The following ATP9A variants were observed in gnomAD, a reference collection of about 807,000 sequenced individuals.
ATP9A encodes ATPase phospholipid transporting 9A.
Under a neutral mutation model 144.1 loss-of-function variants are expected in ATP9A, and 52 were observed. The ratio of observed to expected loss-of-function variants is 0.36; its 90% confidence interval spans 0.29 to 0.45. The LOEUF is 0.45. Ranked by LOEUF, ATP9A falls within the 20% of genes least tolerant of loss-of-function variation. ATP9A has a pLI of 1.00. For synonymous variants in ATP9A, 582 were observed against 557.4 expected, an observed-to-expected ratio of 1.04 and a Z score of -0.62; for missense variants, 947 against 1,392.7, an observed-to-expected ratio of 0.68 and a Z score of 5.09.
chr20:51,714,297 C>T (rs1412989539), intron 3 of ATP9A, among the ~76,000 whole-genome samples: 2 of 152,174 alleles, frequency 1.3e-5, no homozygotes, highest in African/African-American at 4.8e-5. Flanking sequence ...ATCCTCCTGC[C>T]TCAGCCTCCG....
At chr20:51,629,098 A>G in intron 15 of ATP9A, 26 bp from the exon 16 acceptor site, 1 of 1,574,428 alleles carries the variant, frequency 6.4e-7, no homozygotes, top group Non-Finnish European at 8.7e-7. Context: ...GGAAGGAATG[A>G]GAAACTGAAA....
intron 1 of ATP9A, among the ~76,000 whole-genome samples, chr20:51,767,843 G>A (rs896370453): frequency 1.1e-4 from 16 of 152,374 alleles, no homozygotes; most frequent in African/African-American, 3.6e-4. Context: ...CGAGGCGTAG[G>A]CCGCGCCCCC....
intron 5 of ATP9A, among the ~76,000 whole-genome samples, chr20:51,696,767 A>G: frequency 6.6e-6 from 1 of 152,194 alleles, no homozygotes; most frequent in East Asian, 1.9e-4. Context: ...TAATCCCTTT[A>G]AAAGAGCATA....
rs6126270 is a variant in ATP9A at position 51,623,965 on chromosome 20, C to T, written c.2016+1227G>A. On this transcript the variant is annotated intron_variant, in intron 18 of 27. Transcript: ENST00000338821. ...TGCACACTCTGTGAATAAAATATCT[C>T]GTCTTGGGCTAACATAGTTTTGAGA... 3.3e-5 allele frequency among the ~76,000 whole-genome samples: 5 copies of T among 152,092 alleles called. No homozygotes were observed. In the East Asian group the frequency reaches 9.6e-4, roughly 29 times the overall value.
intron 1 of ATP9A, among the ~76,000 whole-genome samples, chr20:51,743,233 T>C (rs2077792489): frequency 6.6e-6 from 1 of 152,082 alleles, no homozygotes; most frequent in South Asian, 2.1e-4. Context: ...AGAGGAGCAG[T>C]GGCCCAAAGC....
chr20:51,632,506 T>C (rs1301246223), intron 15 of ATP9A, among the ~76,000 whole-genome samples: 2 of 152,168 alleles, frequency 1.3e-5, no homozygotes, highest in Non-Finnish European at 2.9e-5. Context: ...GTGGGGGCTG[T>C]CCTGTGCATT....
At chr20:51,714,148 G>A (rs575730680) in intron 3 of ATP9A, among the ~76,000 whole-genome samples, 3 of 151,824 alleles carry the variant, frequency 2.0e-5, no homozygotes, top group African/African-American at 4.8e-5. Context: ...CTCGTGATCC[G>A]CCCACCTCAG....
intron 27 of ATP9A, among the ~76,000 whole-genome samples, chr20:51,601,717 G>T (rs1207135166): frequency 2.6e-5 from 4 of 152,104 alleles, no homozygotes; most frequent in African/African-American, 9.7e-5. Context: ...ACCAGCTTGG[G>T]CAACACAGCA....
chr20:51,732,262 A>C (rs6096550), intron 1 of ATP9A: 2 of 151,968 alleles, frequency 1.3e-5, no homozygotes, highest in Non-Finnish European at 2.9e-5. Flanking sequence ...CTGCAACAAA[A>C]ACGTCCCTCG....
chr20:51,646,504 A>G (rs1601079536), intron 14 of ATP9A, among the ~76,000 whole-genome samples: 1 of 152,310 alleles, frequency 6.6e-6, no homozygotes. Context: ...TTCTTCACTC[A>G]ATACGAAAAT....
At chr20:51,745,499 G>A (rs539434686) in intron 1 of ATP9A, among the ~76,000 whole-genome samples, 4 of 152,266 alleles carry the variant, frequency 2.6e-5, no homozygotes, top group Non-Finnish European at 4.4e-5. Context: ...TAGCAGGGCG[G>A]GGGGATTTTG....
intron 14 of ATP9A, among the ~76,000 whole-genome samples, chr20:51,639,940 C>T (rs2077311704): frequency 6.6e-6 from 1 of 151,958 alleles, no homozygotes; most frequent in South Asian, 2.1e-4. Context: ...ACAAAAATTA[C>T]CCAGGCATGG....
chr20:51,610,011 C>A, intron 24 of ATP9A, 90 bp downstream of exon 24: 1 of 1,241,184 alleles, frequency 8.1e-7, no homozygotes. Context: ...GCTTGGGAAC[C>A]CAAGAATTTT....
At chr20:51,704,303 C>T (rs1013776654) in intron 4 of ATP9A, among the ~76,000 whole-genome samples, 2 of 150,480 alleles carry the variant, frequency 1.3e-5, no homozygotes, top group African/African-American at 4.9e-5. Context: ...ATGAAGTAGA[C>T]GAACACCCTT....
At chr20:51,648,408 G>A (rs564348116) in intron 14 of ATP9A, among the ~76,000 whole-genome samples, 4 of 152,308 alleles carry the variant, frequency 2.6e-5, no homozygotes, top group South Asian at 4.1e-4. Flanking sequence ...CAGAGAGAAG[G>A]TGGAAGGCAA....
chr20:51,717,344 T>C lies in ATP9A; in HGVS notation c.328-4270A>G, dbSNP rs527522986. ...TGAAAATTGACTCTCTACATAAAAA[T>C]CTATTAAGGAAATCAGCGATGGTCA... On this transcript the variant is annotated intron_variant, in intron 3 of 27. Coordinates refer to ENST00000338821, the MANE Select transcript of ATP9A (RefSeq NM_006045.3). Among the ~76,000 whole-genome samples the C allele has an allele frequency of 7.2e-5, 11 of 152,146 alleles. 3 individuals carry two copies. Among genetic ancestry groups the C allele is most frequent in the South Asian group, 6.2e-4 (3 of 4,822 alleles).
chr20:51,641,183 A>C (rs1037795946), intron 14 of ATP9A, among the ~76,000 whole-genome samples: 4 of 151,894 alleles, frequency 2.6e-5, no homozygotes, highest in African/African-American at 9.7e-5. Flanking sequence ...ACATGGTGAA[A>C]TCCAGTCTCT....
intron 3 of ATP9A, among the ~76,000 whole-genome samples, chr20:51,717,292 G>A (rs866487644): frequency 3.0e-4 from 45 of 151,786 alleles, no homozygotes; most frequent in African/African-American, 1.1e-3. Context: ...GCTAGAAGAC[G>A]TTTCAAAATG....
chr20:51,753,425 T>TG (rs1425636029), intron 1 of ATP9A, among the ~76,000 whole-genome samples: 1 of 150,852 alleles, frequency 6.6e-6, no homozygotes, highest in Non-Finnish European at 1.5e-5. Flanking sequence ...CAATCCAGCC[T>TG]GGGCAACAGA....
Sources: allele counts gnomAD v4.1 joint callset (sites outside exome capture counted in the v4.1 genomes callset), GRCh38; gene constraint gnomAD v4.1.1; transcripts MANE v1.5; gene names NCBI Gene and HGNC (gene_info 2026-07-23, HGNC 2026-07-21).